NINJ2: variants seen among roughly 807,000 people sequenced by gnomAD.
NINJ2 encodes ninjurin-2.
In NINJ2, 12 loss-of-function variants were observed where a neutral mutation model predicts 11.7. That is an observed-to-expected ratio of 1.02 (90% CI 0.66 to 1.66). The LOEUF is 1.66. Among genes scored for constraint, NINJ2 ranks in the 40% most tolerant of loss-of-function variants. NINJ2 has a pLI of 0.00. For missense variants in NINJ2, 187 were observed against 181.8 expected (o/e 1.03, Z -0.16); for synonymous variants, 93 against 76.8 (o/e 1.21, Z -1.10).
chr12:572,850 A>ATT (rs539715060), intron 1 of NINJ2, among the ~76,000 whole-genome samples: 2,631 of 95,932 alleles, frequency 0.027, 105 homozygotes, highest in East Asian at 0.098. Context: ...AGAGCCTGTA[A>ATT]TTTTTTTTTT....
chr12:635,501 T>TG (rs1476440879), intron 1 of NINJ2, among the ~76,000 whole-genome samples: 1 of 152,184 alleles, frequency 6.6e-6, no homozygotes, highest in East Asian at 1.9e-4. Context: ...TTTCAGTAAA[T>TG]GGTGCTGGAA....
Position 566,295 on chromosome 12 carries a change from C to A in NINJ2, c.34-117G>T, listed in dbSNP as rs940571546. ...TCCAATCCAGATGGGAAGCTCAGGG[C>A]AAATGACACCCTTAGTTTCATGGCC... On this transcript the variant is annotated intron_variant, in intron 1 of 3. Transcript: ENST00000305108. 4.7e-5 allele frequency: 36 copies of A among 759,590 alleles called. 2 individuals are homozygous for A. The Admixed American group carries it at 9.0e-4, about 19-fold the overall frequency. The allele number at this position is 759,590 out of a possible 1,614,324, so 47.1% of individuals were successfully genotyped here. A position where few individuals can be genotyped will look rare whatever the true frequency, so the allele number is the denominator to read the frequency against.
chr12:583,281 C>A (rs1472341003), intron 1 of NINJ2, among the ~76,000 whole-genome samples: 1 of 152,212 alleles, frequency 6.6e-6, no homozygotes, highest in Non-Finnish European at 1.5e-5. Flanking sequence ...TAGCGCTGGC[C>A]CAGATTCAGG....
At chr12:589,668 G>T (rs903742343) in intron 1 of NINJ2, 1 of 152,080 alleles carries the variant, frequency 6.6e-6, no homozygotes, top group Admixed American at 6.6e-5. Context: ...TTAAATATGC[G>T]ATAAATAGCA....
intron 1 of NINJ2, chr12:643,340 G>T (rs890651527): frequency 2.6e-5 from 18 of 700,644 alleles, no homozygotes; most frequent in Non-Finnish European, 3.0e-5. Context: ...CCCGCGCCGG[G>T]TGGGGAGGGG....
chr12:577,448 T>TATACATATATATGTATATATA, intron 1 of NINJ2, among the ~76,000 whole-genome samples: 1 of 141,936 alleles, frequency 7.0e-6, no homozygotes. Flanking sequence ...TATATAAATA[T>TATACATATATATGTATATATA]TTTGGCACGA....
rs1279088913 is a variant in NINJ2 at position 628,665 on chromosome 12, T to C, written c.33+34663A>G. Among the ~76,000 whole-genome samples, 1 of 151,558 alleles carries C rather than the reference T, an allele frequency of 6.6e-6. No individual in the cohort carries two copies. Among genetic ancestry groups the C allele is most frequent in the African/African-American group, 2.4e-5 (1 of 41,220 alleles). The stretch of plus-strand genomic sequence containing the variant: ...CTTAGTCACAGGATGAGATAGGAGG[T>C]CAGCACAAGACACAGGTCACAAAGG... On this transcript the variant is annotated intron_variant, in intron 1 of 3. Coordinates refer to ENST00000305108, the MANE Select transcript of NINJ2 (RefSeq NM_016533.6). This position sits in a 1 kb window ranked among gnomAD's most constrained non-coding sequence, Gnocchi z 4.4.
chr12:569,691 G>C (rs1947351015), intron 1 of NINJ2, among the ~76,000 whole-genome samples: 1 of 152,206 alleles, frequency 6.6e-6, no homozygotes, highest in Non-Finnish European at 1.5e-5. Flanking sequence ...GCAGCACGGA[G>C]GTCTTCCCAA....
In NINJ2 at chr12:640,629, A is replaced by G. The variant is rs1948406401; in HGVS notation, c.33+22699T>C. ...AACCTCAGCCTCTAGGGTTCAAGTG[A>G]GTCTCGTGCCTCAGCATCCCAAGTA... On this transcript the variant is annotated intron_variant, in intron 1 of 3. Coordinates refer to ENST00000305108, the MANE Select transcript of NINJ2 (RefSeq NM_016533.6). This position sits in a 1 kb window ranked among gnomAD's most constrained non-coding sequence, Gnocchi z 4.0. Among the ~76,000 whole-genome samples the G allele has an allele frequency of 1.3e-5, 2 of 152,008 alleles. No individual in the cohort carries two copies. The highest frequency in any genetic ancestry group is 1.3e-4 in the Admixed American group (2 of 15,272).
At chr12:647,490 C>G (rs917170639) in intron 1 of NINJ2, among the ~76,000 whole-genome samples, 2 of 152,126 alleles carry the variant, frequency 1.3e-5, no homozygotes, top group African/African-American at 4.8e-5. Flanking sequence ...ACTTGAGAGG[C>G]TTAGAACCTT....
At chr12:576,000 G>C (rs1947452908) in intron 1 of NINJ2, among the ~76,000 whole-genome samples, 1 of 152,194 alleles carries the variant, frequency 6.6e-6, no homozygotes, top group African/African-American at 2.4e-5. Flanking sequence ...CTTCTGTCTG[G>C]GGCAGGCCGC....
At chr12:632,301 T>G (rs1242047043) in intron 1 of NINJ2, 1 of 152,202 alleles carries the variant, frequency 6.6e-6, no homozygotes, top group African/African-American at 2.4e-5. Context: ...AACAAATCTC[T>G]TTTCTTTGTT....
chr12:572,755 T>A (rs1405434263), intron 1 of NINJ2, among the ~76,000 whole-genome samples: 1 of 152,098 alleles, frequency 6.6e-6, no homozygotes, highest in Admixed American at 6.5e-5. Context: ...ATCATCACAG[T>A]TGAGAAAATG....
chr12:644,163 C>T (rs1937637554), intron 1 of NINJ2: 1 of 154,786 alleles, frequency 6.5e-6, no homozygotes, highest in Non-Finnish European at 1.5e-5. Flanking sequence ...CACCTTAATA[C>T]TGGCCATCAT....
At chr12:647,570 C>A (rs1466386472) in intron 1 of NINJ2, among the ~76,000 whole-genome samples, 1 of 152,202 alleles carries the variant, frequency 6.6e-6, no homozygotes, top group Non-Finnish European at 1.5e-5. Flanking sequence ...CCTTGATCTG[C>A]TGACATCTCT....
intron 1 of NINJ2, among the ~76,000 whole-genome samples, chr12:573,563 A>C (rs1448474703): frequency 1.3e-5 from 2 of 151,840 alleles, no homozygotes; most frequent in Non-Finnish European, 2.9e-5. Context: ...TGGGCAACAG[A>C]GCAAGAGTCC....
chr12:634,216 T>A (rs61258720), intron 1 of NINJ2, among the ~76,000 whole-genome samples: 1 of 149,888 alleles, frequency 6.7e-6, no homozygotes, highest in African/African-American at 2.4e-5. Flanking sequence ...TAAGTTATAG[T>A]GCCTCACATA....
At chr12:609,770 C>CAAAAAAAAAAAAAAAAAAAAA (rs1185755822) in intron 1 of NINJ2, among the ~76,000 whole-genome samples, 1 of 88,820 alleles carries the variant, frequency 1.1e-5, no homozygotes, top group Non-Finnish European at 2.1e-5. Context: ...GACTCTGCCT[C>CAAAAAAAAAAAAAAAAAAAAA]AAAAAAAAAA....
intron 1 of NINJ2, among the ~76,000 whole-genome samples, chr12:637,637 T>G (rs776455158): frequency 1.7e-4 from 25 of 142,948 alleles, no homozygotes; most frequent in Non-Finnish European, 2.9e-4. Flanking sequence ...TGAGACTCCA[T>G]CTCAAAAAAA....
Sources: gnomAD v4.1 joint callset for allele counts (sites outside exome capture counted in the v4.1 genomes callset) on GRCh38, gnomAD v4.1.1 for gene constraint, Gnocchi (gnomAD v3.1) non-coding constraint, MANE v1.5 for transcripts, NCBI Gene and HGNC (gene_info 2026-07-23, HGNC 2026-07-21) for gene names.